The following R3HDM1 variants were observed in gnomAD, a reference collection of about 807,000 sequenced individuals.
R3HDM1 encodes the protein R3H domain containing 1, also known as R3H domain-containing protein 1.
A neutral mutation model predicts 141.1 loss-of-function variants in R3HDM1; 46 were observed. The observed-to-expected ratio is 0.33, with a 90% CI of 0.26 to 0.42. R3HDM1 has a LOEUF of 0.42. R3HDM1 is among the 10% of genes least tolerant of loss of function. R3HDM1 has a pLI of 1.00. For missense variants in R3HDM1, 1,184 were observed against 1,368.3 expected, an observed-to-expected ratio of 0.87 and a Z score of 2.12; for synonymous variants, 435 against 472.9, an observed-to-expected ratio of 0.92 and a Z score of 1.04.
At chr2:135,579,671 G>A (rs1212718933) in intron 1 of R3HDM1, among the ~76,000 whole-genome samples, 2 of 151,486 alleles carry the variant, frequency 1.3e-5, no homozygotes, top group African/African-American at 2.4e-5. Context: ...ACACGCCAGC[G>A]TCATGTGTTC....
intron 19 of R3HDM1, 103 bp downstream of exon 19, chr2:135,661,496 C>T (rs751892464): frequency 2.4e-4 from 339 of 1,394,144 alleles, no homozygotes; most frequent in Non-Finnish European, 2.6e-4. Context: ...CTCAGGATCT[C>T]GAATATGTTC....
At chr2:135,615,190 G>A (rs1310553823) in intron 3 of R3HDM1, among the ~76,000 whole-genome samples, 1 of 151,554 alleles carries the variant, frequency 6.6e-6, no homozygotes, top group African/African-American at 2.4e-5. Context: ...TACTGGTACT[G>A]TAGACTCTTG....
chr2:135,702,894 A>G (rs143485551), intron 21 of R3HDM1, among the ~76,000 whole-genome samples: 204 of 152,314 alleles, frequency 1.3e-3, no homozygotes, highest in African/African-American at 4.6e-3. Flanking sequence ...CATAGAATCA[A>G]CTATACTAAA....
chr2:135,643,747 G>A (rs1369812401), intron 15 of R3HDM1, among the ~76,000 whole-genome samples: 1 of 152,208 alleles, frequency 6.6e-6, no homozygotes, highest in Non-Finnish European at 1.5e-5. Flanking sequence ...TAAAGAAAAT[G>A]TGGTACATAT....
intron 1 of R3HDM1, among the ~76,000 whole-genome samples, chr2:135,560,079 T>G (rs1024604149): frequency 6.6e-6 from 1 of 152,230 alleles, no homozygotes; most frequent in Non-Finnish European, 1.5e-5. Context: ...TGGAAATCAC[T>G]TGGTCTTTGT....
At chr2:135,558,017 A>G (rs1231631670) in intron 1 of R3HDM1, among the ~76,000 whole-genome samples, 2 of 152,258 alleles carry the variant, frequency 1.3e-5, no homozygotes, top group Non-Finnish European at 2.9e-5. Context: ...TAAGAGATAC[A>G]GTGGATAATG....
At position 135,661,294 on chromosome 2, in the gene R3HDM1, G is replaced by A. The variant is rs2066678011; in HGVS notation, c.2053G>A (p.Gly685Ser). 1.9e-6 allele frequency: 3 copies of A among 1,613,994 alleles called. No homozygotes were observed. In the South Asian group the frequency reaches 3.3e-5, roughly 18 times the overall value. The change falls in exon 19 of 27, where the codon GGC (glycine) becomes AGC (serine). Residue 685 changes from glycine to serine, a missense_variant. By Grantham distance (56) the Gly-to-Ser change is moderately conservative (BLOSUM62 0). Around this residue, in one of 5 missense-constraint regions of R3HDM1, gnomAD observed 563 missense variants for 562.0 expected, o/e 1.00. Transcript: ENST00000683871. ...PQMPACYCAP[G>S]HYHSSQPQYR... Reference sequence around the variant, plus strand: ...GATGCCAGCCTGTTATTGCGCTCCAGGCCACTATCACTCCAGCCAACCTCA... The same window carrying A: ...GATGCCAGCCTGTTATTGCGCTCCAAGCCACTATCACTCCAGCCAACCTCA...
chr2:135,573,939 G>T (rs1304142588), intron 1 of R3HDM1, among the ~76,000 whole-genome samples: 1 of 151,974 alleles, frequency 6.6e-6, no homozygotes, highest in African/African-American at 2.4e-5. Flanking sequence ...GAACATAAAT[G>T]AATTAAATTT....
At chr2:135,659,121 A>G (rs563344954) in intron 18 of R3HDM1, among the ~76,000 whole-genome samples, 3 of 149,450 alleles carry the variant, frequency 2.0e-5, no homozygotes, top group Admixed American at 6.7e-5. Flanking sequence ...TTTTTGAGAC[A>G]GAGTCTCACT....
At chr2:135,555,936 A>T (rs1700677083) in intron 1 of R3HDM1, among the ~76,000 whole-genome samples, 1 of 152,150 alleles carries the variant, frequency 6.6e-6, no homozygotes, top group Non-Finnish European at 1.5e-5. Flanking sequence ...AGATCACTTT[A>T]GCCCAGGAGG....
At chr2:135,649,816 C>T in intron 16 of R3HDM1, 86 bp from the exon 17 acceptor site, 3 of 816,648 alleles carry the variant, frequency 3.7e-6, no homozygotes, top group South Asian at 3.4e-5. Context: ...AAGCTATTGC[C>T]AAAAAAGTGT....
Position 135,696,960 on chromosome 2 carries a change from C to T in R3HDM1, c.2460-12473C>T, listed in dbSNP as rs140164912. On this transcript the variant is annotated intron_variant, in intron 21 of 26. Transcript: ENST00000683871. ...CTTGAACTAACTGTAAAACCTGTTA[C>T]AGAGTCATATTGAAATGTTAAAATT... 5.3e-5 allele frequency among the ~76,000 whole-genome samples: 8 copies of T among 152,160 alleles called. No homozygotes were observed. The East Asian group carries it at 1.5e-3, about 29-fold the overall frequency.
chr2:135,650,675 G>A, intron 17 of R3HDM1: 1 of 983,964 alleles, frequency 1.0e-6, no homozygotes, highest in Non-Finnish European at 1.2e-6. Context: ...ACTGAATTAG[G>A]CTAATAGTGT....
intron 21 of R3HDM1, among the ~76,000 whole-genome samples, chr2:135,706,812 A>G (rs944122792): frequency 6.6e-6 from 1 of 152,208 alleles, no homozygotes; most frequent in African/African-American, 2.4e-5. Flanking sequence ...CCGATTTCTC[A>G]ATCTATTCCC....
intron 1 of R3HDM1, among the ~76,000 whole-genome samples, chr2:135,547,984 G>C (rs1202659013): frequency 6.6e-6 from 1 of 151,994 alleles, no homozygotes; most frequent in Non-Finnish European, 1.5e-5. Context: ...ATGTTGGACA[G>C]GATGGTCTCG....
chr2:135,717,348 G>T (rs2076265028), intron 24 of R3HDM1, among the ~76,000 whole-genome samples: 1 of 152,114 alleles, frequency 6.6e-6, no homozygotes, highest in African/African-American at 2.4e-5. Flanking sequence ...GCCGGGCACA[G>T]TGGCACATGC....
intron 18 of R3HDM1, among the ~76,000 whole-genome samples, chr2:135,659,071 G>GTGTGTATGTA (rs1553607673): frequency 6.7e-6 from 1 of 150,344 alleles, no homozygotes; most frequent in African/African-American, 2.5e-5. Flanking sequence ...GTGTGTGTGT[G>GTGTGTATGTA]TGTGTGTGTG....
intron 1 of R3HDM1, among the ~76,000 whole-genome samples, chr2:135,555,931 A>G (rs899320761): frequency 6.6e-6 from 1 of 152,072 alleles, no homozygotes; most frequent in African/African-American, 2.4e-5. Flanking sequence ...CAGGAAGATC[A>G]CTTTAGCCCA....
chr2:135,640,913 A>G lies in R3HDM1; in HGVS notation c.1220-623A>G, dbSNP rs557177129. Among the ~76,000 whole-genome samples, 9 of 152,326 alleles carry G rather than the reference A, an allele frequency of 5.9e-5. 1 individual carries two copies. The South Asian group carries it at 1.7e-3, about 28-fold the overall frequency. Reference sequence around the variant, plus strand: ...TCAGTAAGAAATAAATTTTAAGTTAACACCAGTATAAGTACTTGGAATATA... The same window carrying G: ...TCAGTAAGAAATAAATTTTAAGTTAGCACCAGTATAAGTACTTGGAATATA... On this transcript the variant is annotated intron_variant, in intron 14 of 26. Coordinates refer to ENST00000683871, the MANE Select transcript of R3HDM1 (RefSeq NM_001378107.1).
Sources: allele counts gnomAD v4.1 joint callset (sites outside exome capture counted in the v4.1 genomes callset), GRCh38; gene constraint gnomAD v4.1.1; regional missense constraint gnomAD v4.1.1; transcripts MANE v1.5; gene names NCBI Gene and HGNC (gene_info 2026-07-23, HGNC 2026-07-21).